Variants in DEPDC5 observed in about 807,000 individuals in gnomAD.
The protein encoded by DEPDC5 is GATOR1 complex protein DEPDC5.
In DEPDC5, 73 loss-of-function variants were observed where a neutral mutation model predicts 217.3. The observed-to-expected ratio is 0.34, with a 90% CI of 0.28 to 0.41. The LOEUF is 0.41. Among genes scored for constraint, DEPDC5 ranks in the 10% least tolerant of loss-of-function variants. The pLI is 1.00. For synonymous variants in DEPDC5, 733 were observed against 756.7 expected (o/e 0.97, Z 0.51); for missense variants, 1,675 against 2,070.1 (o/e 0.81, Z 3.70).
At chr22:31,764,457 C>T (rs1442210259) in intron 4 of DEPDC5, among the ~76,000 whole-genome samples, 1 of 151,872 alleles carries the variant, frequency 6.6e-6, no homozygotes, top group African/African-American at 2.4e-5. Flanking sequence ...ATTCTGTCAC[C>T]CAGGTTGGAG....
intron 14 of DEPDC5, among the ~76,000 whole-genome samples, chr22:31,799,473 T>C (rs1238232435): frequency 1.3e-5 from 2 of 151,236 alleles, no homozygotes; most frequent in Non-Finnish European, 2.9e-5. Context: ...GGTATTTCTC[T>C]TAATGCTATT....
intron 12 of DEPDC5, among the ~76,000 whole-genome samples, chr22:31,795,367 G>A (rs943298474): frequency 2.4e-4 from 37 of 151,188 alleles, no homozygotes; most frequent in African/African-American, 9.0e-4. Flanking sequence ...ACTGCGCTGG[G>A]CCTCCATGTG....
At chr22:31,839,407 G>A (rs1057488420) in intron 27 of DEPDC5, among the ~76,000 whole-genome samples, 1 of 152,150 alleles carries the variant, frequency 6.6e-6, no homozygotes, top group African/African-American at 2.4e-5. Context: ...TCTAAAATAA[G>A]TCTAACAGAG....
chr22:31,797,693 G>A lies in DEPDC5; in HGVS notation c.861G>A (p.Leu287=). The change falls in exon 13 of 43, where the codon CTG becomes CTA. Residue 287 remains leucine (L), a synonymous_variant. Coordinates refer to ENST00000651528, the MANE Select transcript of DEPDC5 (RefSeq NM_001242896.3). ...TCCAGTATCCAGTGTTGGTGCGACT[G>A]GAACAGGCAGGTACTGCATTCATGT... ...LFIQYPVLVR[L]EQAEGFPQGD... The A allele has an allele frequency of 1.2e-6, 2 of 1,613,538 alleles. No individual in the cohort carries two copies. The highest frequency in any genetic ancestry group is 1.7e-6 in the Non-Finnish European group (2 of 1,179,512).
intron 7 of DEPDC5, among the ~76,000 whole-genome samples, chr22:31,772,081 A>C (rs2083415733): frequency 6.6e-6 from 1 of 152,018 alleles, no homozygotes. Context: ...AACAATAAAA[A>C]AAAGAACGGG....
At chr22:31,786,424 TAAAAAAAAAAAAA>T (rs138288) in intron 10 of DEPDC5, among the ~76,000 whole-genome samples, 2 of 80,146 alleles carry the variant, frequency 2.5e-5, no homozygotes, top group Non-Finnish European at 5.1e-5. Context: ...ATGTGGTAGC[TAAAAAAAAAAAAA>T]AAAAAAAAGG....
chr22:31,810,765 T>C, intron 20 of DEPDC5, 124 bp downstream of exon 20: 1 of 1,490,498 alleles, frequency 6.7e-7, no homozygotes, highest in Non-Finnish European at 9.0e-7. Context: ...TTCGTTTTGG[T>C]TTTTTGTTTG....
Position 31,785,665 on chromosome 22 carries a change from G to A in DEPDC5, c.624+790G>A, listed in dbSNP as rs73404135. Among the ~76,000 whole-genome samples, 1,512 of 151,924 alleles carry A rather than the reference G, an allele frequency of 1.0e-2. 28 individuals carry two copies. The highest frequency in any genetic ancestry group is 0.034 in the African/African-American group (1,394 of 41,418). Reference sequence around the variant, plus strand: ...AATAGCTAAAACAATCTTGTAAAAGGGGAACGAAGTTGGAGGACTCTCACT... The same window carrying A: ...AATAGCTAAAACAATCTTGTAAAAGAGGAACGAAGTTGGAGGACTCTCACT... On this transcript the variant is annotated intron_variant, in intron 10 of 42. Coordinates refer to ENST00000651528, the MANE Select transcript of DEPDC5 (RefSeq NM_001242896.3).
At chr22:31,775,858 G>A (rs1219137369) in intron 7 of DEPDC5, among the ~76,000 whole-genome samples, 2 of 151,754 alleles carry the variant, frequency 1.3e-5, no homozygotes, top group East Asian at 3.9e-4. Context: ...TGGCCAACAT[G>A]GTGAAACCTC....
chr22:31,879,810 T>C, intron 38 of DEPDC5, 58 bp downstream of exon 38: 9 of 1,499,134 alleles, frequency 6.0e-6, no homozygotes, highest in Non-Finnish European at 8.2e-6. Flanking sequence ...TGCGGGAAAG[T>C]AGTGGCCAGC....
Position 31,776,472 on chromosome 22 carries a change from G to A in DEPDC5, c.414-1627G>A, listed in dbSNP as rs550695526. Among the ~76,000 whole-genome samples, 52 of 151,570 alleles carry A rather than the reference G, an allele frequency of 3.4e-4. No individual in the cohort carries two copies. The South Asian group carries it at 4.1e-3, about 12-fold the overall frequency. On this transcript the variant is annotated intron_variant, in intron 7 of 42. Coordinates refer to ENST00000651528, the MANE Select transcript of DEPDC5 (RefSeq NM_001242896.3). The stretch of plus-strand genomic sequence containing the variant: ...TCATGAATTTACTATGGCCATTCAC[G>A]TAGTAAGTGTCACTCAGCTGGGATT...
chr22:31,826,098 C>A (rs758431652), intron 24 of DEPDC5, among the ~76,000 whole-genome samples: 6 of 152,082 alleles, frequency 3.9e-5, no homozygotes, highest in Non-Finnish European at 7.3e-5. Context: ...CCTCTGCCTC[C>A]CGGGTTCAAG....
chr22:31,764,815 G>T (rs1040932046), intron 4 of DEPDC5, among the ~76,000 whole-genome samples, 160 bp from the exon 5 acceptor site: 5 of 152,126 alleles, frequency 3.3e-5, no homozygotes, highest in Non-Finnish European at 7.4e-5. Context: ...AAAAAGCAGA[G>T]AATTGTTTAA....
chr22:31,895,261 C>T (rs1309363891), intron 39 of DEPDC5, among the ~76,000 whole-genome samples: 1 of 152,044 alleles, frequency 6.6e-6, no homozygotes, highest in African/African-American at 2.4e-5. Context: ...CACAGGGCAG[C>T]CCCCACAACA....
intron 25 of DEPDC5, among the ~76,000 whole-genome samples, chr22:31,836,200 G>A (rs140728123): frequency 6.6e-6 from 1 of 152,334 alleles, no homozygotes; most frequent in East Asian, 1.9e-4. Flanking sequence ...TCACAGCTAG[G>A]GGATGCCACT....
At position 31,783,866 on chromosome 22, in the gene DEPDC5, A is replaced by G. The variant is rs768930801; in HGVS notation, c.484-41A>G. ...TTTCATCTTATAGAACTGAAACTGTATATGGCATTGCTTTTTAATACAATT... is the reference window on the plus strand; with the variant it reads ...TTTCATCTTATAGAACTGAAACTGTGTATGGCATTGCTTTTTAATACAATT... On this transcript the variant is annotated intron_variant, in intron 8 of 42. Coordinates refer to ENST00000651528, the MANE Select transcript of DEPDC5 (RefSeq NM_001242896.3). The G allele has an allele frequency of 1.3e-6, 2 of 1,565,974 alleles. 1 individual carries two copies. Among genetic ancestry groups the G allele is most frequent in the South Asian group, 2.2e-5 (2 of 89,134 alleles).
intron 26 of DEPDC5, 170 bp downstream of exon 26, chr22:31,837,325 T>C (rs1199964801): frequency 3.0e-6 from 2 of 675,360 alleles, no homozygotes; most frequent in Non-Finnish European, 4.7e-6. Context: ...TAAAAAAACA[T>C]TGAATTGTAT....
rs755463750 is a variant in DEPDC5 at position 31,874,415 on chromosome 22, C to T, written c.3696+10C>T. The T allele has an allele frequency of 9.3e-6, 15 of 1,607,768 alleles. No individual in the cohort carries two copies. The Admixed American group carries it at 2.2e-4, about 24-fold the overall frequency. On this transcript the variant is annotated intron_variant, in intron 36 of 42. Transcript: ENST00000651528. ...CATTGACATCATGCAGGTGAGACAG[C>T]AAGAGGGGCCCATAGAGCTGTTTGC... is the stretch of plus-strand genomic sequence containing the variant.
At chr22:31,781,220 A>G (rs1373933648) in intron 8 of DEPDC5, among the ~76,000 whole-genome samples, 1 of 131,550 alleles carries the variant, frequency 7.6e-6, no homozygotes, top group Non-Finnish European at 1.7e-5. Flanking sequence ...CGGTCTCAAA[A>G]ACAAACAAAC....
Sources: gnomAD v4.1 joint callset for allele counts (sites outside exome capture counted in the v4.1 genomes callset) on GRCh38, gnomAD v4.1.1 for gene constraint, MANE v1.5 for transcripts, NCBI Gene and HGNC (gene_info 2026-07-23, HGNC 2026-07-21) for gene names.